The following PZP variants were observed in gnomAD, a reference collection of about 807,000 sequenced individuals.
PZP encodes pregnancy zone protein.
A neutral mutation model predicts 179.8 loss-of-function variants in PZP; 150 were observed. The observed-to-expected ratio is 0.83, with a 90% CI of 0.73 to 0.96. PZP has a LOEUF of 0.96. Ranked by LOEUF, PZP falls within the 40% of genes least tolerant of loss-of-function variation. The pLI, the probability that PZP is intolerant of heterozygous loss-of-function variation, is 0.00. For missense variants in PZP, 1,689 were observed against 1,764.0 expected, an observed-to-expected ratio of 0.96 and a Z score of 0.76; for synonymous variants, 624 against 652.3, an observed-to-expected ratio of 0.96 and a Z score of 0.66.
intron 15 of PZP, among the ~76,000 whole-genome samples, chr12:9,180,637 AC>A (rs1942696158): frequency 6.6e-6 from 1 of 152,264 alleles, no homozygotes. Flanking sequence ...TACACATTAT[AC>A]AAAAATCAAT....
rs766086330 is a variant in PZP at position 9,152,214 on chromosome 12, A to T, written c.4212+6T>A. ...ATGAAGTCTATTAGGATTAAAATACACCTACCATTTTTACTGTTGGTTTCA... is the reference window on the plus strand; with the variant it reads ...ATGAAGTCTATTAGGATTAAAATACTCCTACCATTTTTACTGTTGGTTTCA... On this transcript the variant is annotated splice_donor_region_variant and intron_variant, in intron 32 of 35. Coordinates refer to ENST00000261336, the MANE Select transcript of PZP (RefSeq NM_002864.3). The T allele has an allele frequency of 1.3e-6, 2 of 1,573,070 alleles. No individual in the cohort carries two copies. The highest frequency in any genetic ancestry group is 2.2e-5 in the South Asian group (2 of 90,288).
At chr12:9,164,806 A>G (rs1049898501) in intron 19 of PZP, among the ~76,000 whole-genome samples, 2 of 152,224 alleles carry the variant, frequency 1.3e-5, no homozygotes, top group Non-Finnish European at 2.9e-5. Flanking sequence ...GACGGGTTGG[A>G]GAATGACTCT....
At position 9,201,151 on chromosome 12, in the gene PZP, G is replaced by A. The variant is rs1451553608; in HGVS notation, c.502-91C>T. On this transcript the variant is annotated intron_variant, in intron 5 of 35. Coordinates refer to ENST00000261336, the MANE Select transcript of PZP (RefSeq NM_002864.3). ...GATTTTGAAGGTGATAATTAGCATT[G>A]CCTCTGGAAAGACAAATACAGAAGG... 3 of 1,495,210 alleles carry A rather than the reference G, an allele frequency of 2.0e-6. No individual in the cohort carries two copies. In the African/African-American group the frequency reaches 4.2e-5, roughly 21 times the overall value. The allele number at this position is 1,495,210 out of a possible 1,614,324, so 92.6% of individuals were successfully genotyped here.
intron 34 of PZP, 56 bp downstream of exon 34, chr12:9,150,588 C>A (rs1377858653): frequency 2.5e-6 from 3 of 1,176,556 alleles, no homozygotes; most frequent in East Asian, 2.3e-5. Flanking sequence ...TCAACTGTCA[C>A]AACAGGATCC....
chr12:9,137,424 G>A, the PZP span, among the ~76,000 whole-genome samples: 1 of 152,122 alleles, frequency 6.6e-6, no homozygotes, highest in Non-Finnish European at 1.5e-5. Context: ...TTTGATTACT[G>A]TGGTTTTGTA....
At position 9,153,318 on chromosome 12, in the gene PZP, AG is replaced by A; in HGVS notation, c.3799del (p.Leu1267CysfsTer32). On this transcript the variant is annotated frameshift_variant, in exon 30 of 36. Transcript: ENST00000261336. LOFTEE classifies it high-confidence loss of function. ...GAAAGTGGCTGCTCCATACCTGGACAGGGCATGGAGAGCCACCACTGTGTCC... is the reference window on the plus strand; with the variant it reads ...GAAAGTGGCTGCTCCATACCTGGACAGGCATGGAGAGCCACCACTGTGTCC... ...TQDTVVALHA[L>X]SRYGAATFTR... 6.2e-7 allele frequency: 1 copy of A among 1,613,782 alleles called. No individual in the cohort carries two copies. Among genetic ancestry groups the A allele is most frequent in the Non-Finnish European group, 8.5e-7 (1 of 1,179,840 alleles).
chr12:9,163,553 T>A lies in PZP; in HGVS notation c.2736+115A>T, dbSNP rs778501303. 4.3e-5 allele frequency: 52 copies of A among 1,197,618 alleles called. 2 individuals carry two copies. The South Asian group carries it at 8.6e-4, about 20-fold the overall frequency. 74.2% of individuals were successfully genotyped at this position (1,197,618 alleles called of 1,614,324 possible). ...AATGCTTTTAGGGCAGGAAATTCCA[T>A]TAGTCTTACAGGATGTATTGTGTGA... On this transcript the variant is annotated intron_variant, in intron 21 of 35. Coordinates refer to ENST00000261336, the MANE Select transcript of PZP (RefSeq NM_002864.3).
At chr12:9,160,707 T>G (rs1187465667) in intron 23 of PZP, among the ~76,000 whole-genome samples, 1 of 151,958 alleles carries the variant, frequency 6.6e-6, no homozygotes, top group Admixed American at 6.6e-5. Context: ...GAGGTCAGGA[T>G]ATCGAGACCA....
chr12:9,203,699 T>C, intron 2 of PZP, 69 bp downstream of exon 2: 1 of 1,557,492 alleles, frequency 6.4e-7, no homozygotes, highest in Non-Finnish European at 8.8e-7. Flanking sequence ...CAGAGCTCCA[T>C]CACCATGACC....
chr12:9,185,820 T>C (rs1199106011), intron 13 of PZP, among the ~76,000 whole-genome samples: 1 of 150,840 alleles, frequency 6.6e-6, no homozygotes, highest in Non-Finnish European at 1.5e-5. Flanking sequence ...TTTTCTTTTT[T>C]TTTTTCTTGA....
Position 9,203,943 on chromosome 12 carries a change from A to G in PZP, c.92T>C (p.Met31Thr), listed in dbSNP as rs1211566635. 1.2e-6 allele frequency: 2 copies of G among 1,610,358 alleles called. No homozygotes were observed. Among genetic ancestry groups the G allele is most frequent in the South Asian group, 2.2e-5 (2 of 90,470 alleles). Residue 31 changes from methionine to threonine, a missense_variant, in exon 2 of 36, where the codon ATG becomes ACG. Around this residue, in one of 3 missense-constraint regions of PZP, gnomAD observed 742 missense variants for 730.5 expected, o/e 1.02. Coordinates refer to ENST00000261336, the MANE Select transcript of PZP (RefSeq NM_002864.3). ...GTGGAGCAGGGAGGGGACCAGCACC[A>G]TATACTGCCTGGGAAAGGAAGAAGT... The part of the protein sequence containing the change: ...SDSNSTEPQY[M>T]VLVPSLLHTE...
chr12:9,203,858 T>TAG lies in PZP; in HGVS notation c.176_177insCT (p.Ser60Ter). The TAG allele has an allele frequency of 6.2e-7, 1 of 1,614,104 alleles. No individual in the cohort carries two copies. Among genetic ancestry groups the TAG allele is most frequent in the Non-Finnish European group, 8.5e-7 (1 of 1,180,016 alleles). ...CCCTGCCAGACTCCAAGGAAGCACTTACAGTCACTGTCTCATTCAGGTGGC... is the reference window on the plus strand; with the variant it reads ...CCCTGCCAGACTCCAAGGAAGCACTTAGACAGTCACTGTCTCATTCAGGTGGC... On this transcript the variant is annotated frameshift_variant, in exon 2 of 36. Transcript: ENST00000261336. LOFTEE classifies it high-confidence loss of function.
chr12:9,181,709 C>T (rs1402731780), intron 14 of PZP, among the ~76,000 whole-genome samples: 1 of 152,082 alleles, frequency 6.6e-6, no homozygotes, highest in East Asian at 1.9e-4. Context: ...ACTTTTGAGT[C>T]TTAGCATTTT....
In PZP at chr12:9,196,667, T is replaced by C. The variant is rs763541494; in HGVS notation, c.886A>G (p.Ile296Val). Residue 296 changes from isoleucine to valine, a missense_variant, in exon 9 of 36, where the codon ATC becomes GTC. Coordinates refer to ENST00000261336, the MANE Select transcript of PZP (RefSeq NM_002864.3). The part of the protein sequence containing the change: ...FSQQLNSNGC[I>V]TQQVHTKMLQ... ...ATTTTGGTGTGTACTTGTTGGGTGATGCAGCCATTGCTGTTAAGCTGAGAA... is the reference window on the plus strand; with the variant it reads ...ATTTTGGTGTGTACTTGTTGGGTGACGCAGCCATTGCTGTTAAGCTGAGAA... The C allele has an allele frequency of 5.5e-5, 88 of 1,610,680 alleles. No homozygotes were observed. Among genetic ancestry groups the C allele is most frequent in the Middle Eastern group, 1.6e-4 (1 of 6,076 alleles).
chr12:9,186,825 G>A (rs1027207943), intron 13 of PZP, among the ~76,000 whole-genome samples: 1 of 136,964 alleles, frequency 7.3e-6, no homozygotes, highest in African/African-American at 2.8e-5. Context: ...CACAGGGAGG[G>A]GAACATCACA....
intron 19 of PZP, among the ~76,000 whole-genome samples, chr12:9,164,816 T>C (rs1941470671): frequency 6.6e-6 from 1 of 152,208 alleles, no homozygotes; most frequent in Non-Finnish European, 1.5e-5. Flanking sequence ...AGAATGACTC[T>C]CGTGGAACTG....
chr12:9,152,173 C>T (rs938331851), intron 32 of PZP, 47 bp downstream of exon 32: 4 of 1,323,762 alleles, frequency 3.0e-6, no homozygotes, highest in South Asian at 1.2e-5. Context: ...TTTGGGGATA[C>T]AGAACATACT....
Position 9,169,562 on chromosome 12 carries a change from G to GA in PZP, c.1868dup (p.Thr624HisfsTer5). 5 of 1,612,802 alleles carry GA rather than the reference G, an allele frequency of 3.1e-6. No homozygotes were observed. Among genetic ancestry groups the GA allele is most frequent in the Non-Finnish European group, 4.2e-6 (5 of 1,179,508 alleles). On this transcript the variant is annotated frameshift_variant, in exon 16 of 36. Transcript: ENST00000261336. LOFTEE classifies it high-confidence loss of function. ...GGTCCACATTGTCAGGAAAATTGGT[G>GA]AGATCCTTCACAGTTAGCAGATTAT...
At chr12:9,152,673 G>A (rs1345320194) in intron 31 of PZP, 151 bp downstream of exon 31, 23 of 781,500 alleles carry the variant, frequency 2.9e-5, no homozygotes, top group Middle Eastern at 3.8e-4. Flanking sequence ...AAAGGATCAC[G>A]TCATAATGAT....
Sources: gnomAD v4.1 joint callset for allele counts (sites outside exome capture counted in the v4.1 genomes callset) on GRCh38, gnomAD v4.1.1 for gene constraint, gnomAD v4.1.1 regional missense constraint, MANE v1.5 for transcripts, NCBI Gene and HGNC (gene_info 2026-07-23, HGNC 2026-07-21) for gene names.